Variants in PPP4R4 observed in about 807,000 individuals in gnomAD.
The protein encoded by PPP4R4 is protein phosphatase 4 regulatory subunit 4.
PPP4R4 carries 70 observed loss-of-function variants against 121.8 expected under a neutral mutation model. That is an observed-to-expected ratio of 0.57 (90% CI 0.47 to 0.70). The LOEUF is 0.70. Among genes scored for constraint, PPP4R4 ranks in the 30% least tolerant of loss-of-function variants. The probability of loss-of-function intolerance (pLI) is 0.00; values close to 1 mark genes in which losing one functional copy is unlikely to be tolerated. For missense variants in PPP4R4, 875 were observed against 1,033.6 expected, an observed-to-expected ratio of 0.85 and a Z score of 2.10; for synonymous variants, 348 against 355.7, an observed-to-expected ratio of 0.98 and a Z score of 0.24.
At chr14:94,273,825 CA>C (rs1894484686) in intron 23 of PPP4R4, among the ~76,000 whole-genome samples, 1 of 151,928 alleles carries the variant, frequency 6.6e-6, no homozygotes, top group South Asian at 2.1e-4. Context: ...ATTAAAGAAA[CA>C]AAAACAAAAA....
intron 3 of PPP4R4, among the ~76,000 whole-genome samples, chr14:94,223,742 C>T (rs886990723): frequency 6.6e-6 from 1 of 152,126 alleles, no homozygotes; most frequent in Non-Finnish European, 1.5e-5. Context: ...ATTAGAGTTA[C>T]CTAGTCTGCC....
At chr14:94,238,359 C>T (rs1031728501) in intron 8 of PPP4R4, among the ~76,000 whole-genome samples, 1 of 152,230 alleles carries the variant, frequency 6.6e-6, no homozygotes, top group Non-Finnish European at 1.5e-5. Context: ...TCTCTTTTCT[C>T]CCATCAAAAC....
intron 2 of PPP4R4, among the ~76,000 whole-genome samples, chr14:94,186,236 G>A (rs1234184898): frequency 6.6e-6 from 1 of 152,072 alleles, no homozygotes; most frequent in Non-Finnish European, 1.5e-5. Flanking sequence ...AACACTACTT[G>A]TGTGCTTAGA....
intron 19 of PPP4R4, among the ~76,000 whole-genome samples, chr14:94,263,732 G>A (rs1018363974): frequency 6.6e-6 from 1 of 152,108 alleles, no homozygotes; most frequent in Non-Finnish European, 1.5e-5. Flanking sequence ...AGATAATAGA[G>A]GCAAACATGT....
At chr14:94,275,623 G>A in intron 24 of PPP4R4, 102 bp downstream of exon 24, 1 of 1,311,226 alleles carries the variant, frequency 7.6e-7, no homozygotes, top group Non-Finnish European at 1.1e-6. Context: ...GAAAATGTCT[G>A]TGATGAGAAA....
rs147861119 is a variant in PPP4R4, at chr14:94,241,920, A to G, written c.1109A>G (p.Tyr370Cys). The G allele has an allele frequency of 8.6e-4, 1,382 of 1,608,360 alleles. 5 individuals carry two copies. The highest frequency in any genetic ancestry group is 7.9e-4 in the Non-Finnish European group (929 of 1,177,748). Residue 370 changes from tyrosine (Y) to cysteine (C), a missense_variant, in exon 10 of 25, where the codon TAT becomes TGT. Tyr to Cys is a radical substitution (Grantham distance 194, BLOSUM62 -2). Coordinates refer to ENST00000304338, the MANE Select transcript of PPP4R4 (RefSeq NM_058237.2). ...PPQILEQEKK[Y>C]ISVRKNCAYN... ...CAAATCCTAGAGCAGGAGAAGAAAT[A>G]TATTTCAGTACGGAAGAACTGTGCT...
chr14:94,248,514 A>G (rs531355794), intron 14 of PPP4R4, among the ~76,000 whole-genome samples: 4 of 152,312 alleles, frequency 2.6e-5, no homozygotes, highest in African/African-American at 4.8e-5. Flanking sequence ...ACACATTCCT[A>G]TCAAACTACC....
At chr14:94,216,004 C>T (rs962256144) in intron 3 of PPP4R4, among the ~76,000 whole-genome samples, 6 of 152,100 alleles carry the variant, frequency 3.9e-5, no homozygotes, top group Admixed American at 2.6e-4. Context: ...TCCTAGTGGA[C>T]ACCAGTGTTT....
intron 2 of PPP4R4, among the ~76,000 whole-genome samples, chr14:94,201,264 A>G (rs750441592): frequency 1.3e-5 from 2 of 152,166 alleles, no homozygotes; most frequent in Non-Finnish European, 2.9e-5. Flanking sequence ...TTCTTGGAGA[A>G]TATTCCATGT....
At chr14:94,206,617 T>G (rs193284395) in intron 2 of PPP4R4, among the ~76,000 whole-genome samples, 27 of 152,160 alleles carry the variant, frequency 1.8e-4, no homozygotes, top group Admixed American at 1.7e-3. Flanking sequence ...AATTGCAAAT[T>G]AGTGAATAAA....
At chr14:94,201,958 AC>A (rs1890212625) in intron 2 of PPP4R4, among the ~76,000 whole-genome samples, 1 of 150,992 alleles carries the variant, frequency 6.6e-6, no homozygotes, top group Admixed American at 6.6e-5. Context: ...ATATATATAT[AC>A]ATATATATAC....
At chr14:94,197,757 G>C (rs1889961269) in intron 2 of PPP4R4, among the ~76,000 whole-genome samples, 1 of 152,004 alleles carries the variant, frequency 6.6e-6, no homozygotes, top group African/African-American at 2.4e-5. Flanking sequence ...ACTGCTTTCT[G>C]CCACTATAGT....
At chr14:94,260,580 T>C (rs1893734116) in intron 19 of PPP4R4, among the ~76,000 whole-genome samples, 1 of 152,208 alleles carries the variant, frequency 6.6e-6, no homozygotes, top group Non-Finnish European at 1.5e-5. Context: ...CTATTCCTGA[T>C]GCCTAAAGAT....
In PPP4R4 at chr14:94,174,860, C is replaced by T. The variant is rs536241714; in HGVS notation, c.117+278C>T. On this transcript the variant is annotated intron_variant, in intron 1 of 24. Coordinates refer to ENST00000304338, the MANE Select transcript of PPP4R4 (RefSeq NM_058237.2). The stretch of plus-strand genomic sequence containing the variant: ...CAGCCCCGGACCGGCGCCAGCCCCG[C>T]GGCCCTTGCCCCTCCTGAGGCGTCC... Among the ~76,000 whole-genome samples the T allele has an allele frequency of 2.0e-5, 3 of 152,128 alleles. No individual in the cohort carries two copies. The South Asian group carries it at 6.2e-4, about 32-fold the overall frequency.
At position 94,235,293 on chromosome 14, in the gene PPP4R4, C is replaced by T. The variant is rs188287627; in HGVS notation, c.731+624C>T. On this transcript the variant is annotated intron_variant, in intron 7 of 24. Coordinates refer to ENST00000304338, the MANE Select transcript of PPP4R4 (RefSeq NM_058237.2). ...GTTAAATCCACAGATGTGGAACCTG[C>T]AGATGTTGAGGGCCGACTACACTCT... Among the ~76,000 whole-genome samples the T allele has an allele frequency of 4.0e-4, 61 of 151,346 alleles. 1 individual carries two copies. The Middle Eastern group carries it at 0.011, about 26-fold the overall frequency.
chr14:94,226,482 G>A (rs754070314), intron 3 of PPP4R4, among the ~76,000 whole-genome samples: 17 of 151,984 alleles, frequency 1.1e-4, no homozygotes, highest in Non-Finnish European at 2.1e-4. Context: ...TATTTTAGTG[G>A]TGGAATGTGG....
chr14:94,250,035 G>T, intron 14 of PPP4R4, 137 bp from the exon 15 acceptor site: 1 of 584,614 alleles, frequency 1.7e-6, no homozygotes. Flanking sequence ...GATACTTCCA[G>T]AAGGATGTAA....
chr14:94,206,051 G>T (rs1225656140), intron 2 of PPP4R4, among the ~76,000 whole-genome samples: 1 of 151,860 alleles, frequency 6.6e-6, no homozygotes. Flanking sequence ...GTCAGTTGTT[G>T]AGAGATGGGT....
intron 2 of PPP4R4, among the ~76,000 whole-genome samples, chr14:94,201,137 G>A (rs1175057926): frequency 1.3e-5 from 2 of 152,124 alleles, no homozygotes; most frequent in Non-Finnish European, 2.9e-5. Context: ...ATGGTTTTGA[G>A]GGTTCCTTTT....
Sources: gnomAD v4.1 joint callset for allele counts (sites outside exome capture counted in the v4.1 genomes callset) on GRCh38, gnomAD v4.1.1 for gene constraint, MANE v1.5 for transcripts, NCBI Gene and HGNC (gene_info 2026-07-23, HGNC 2026-07-21) for gene names.